The following ZFTA variants were observed in gnomAD, a reference collection of about 807,000 sequenced individuals.
ZFTA encodes zinc finger translocation associated.
In ZFTA, 35 loss-of-function variants were observed where a neutral mutation model predicts 41.8. The observed-to-expected ratio is 0.84, with a 90% CI of 0.64 to 1.11. ZFTA has a LOEUF of 1.11. ZFTA is among the 50% of genes most tolerant of loss of function. The pLI is 0.00. For missense variants in ZFTA, 964 were observed against 989.8 expected, an observed-to-expected ratio of 0.97 and a Z score of 0.35; for synonymous variants, 514 against 436.4, an observed-to-expected ratio of 1.18 and a Z score of -2.22.
Position 63,768,695 on chromosome 11 carries a change from G to A in ZFTA, c.-73C>T, listed in dbSNP as rs911077459. 1 of 715,770 alleles carries A rather than the reference G, an allele frequency of 1.4e-6. No individual in the cohort carries two copies. The allele number at this position is 715,770 out of a possible 1,614,324, so 44.3% of individuals were successfully genotyped here. On this transcript the variant is annotated 5_prime_UTR_variant, in exon 1 of 5. Coordinates refer to ENST00000433688, the MANE Select transcript of ZFTA (RefSeq NM_001144936.2). ...CGGGGCCGGCGGCAGCCCGCGCGGAGCGCTCGCTGCGCGGGGCCCCGGGGC... is the reference window on the plus strand; with the variant it reads ...CGGGGCCGGCGGCAGCCCGCGCGGAACGCTCGCTGCGCGGGGCCCCGGGGC...
At position 63,763,537 on chromosome 11, in the gene ZFTA, G is replaced by A. The variant is rs551321880; in HGVS notation, c.1918C>T (p.Leu640=). The change falls in exon 5 of 5, where the codon CTG becomes TTG. Residue 640 remains leucine, a synonymous_variant. Transcript: ENST00000433688. ...AGCGCCGCCTCCTCGTAGGCCTCCA[G>A]GATAGTCTGGCGCTCCTCAGGCGTG... The part of the protein sequence containing the change: ...DFTPEERQTI[L]EAYEEAALRC... 3 of 1,546,740 alleles carry A rather than the reference G, an allele frequency of 1.9e-6. No individual in the cohort carries two copies. Among genetic ancestry groups the A allele is most frequent in the Admixed American group, 3.9e-5 (2 of 50,812 alleles).
chr11:63,767,056 A>G (rs747369729), intron 1 of ZFTA, among the ~76,000 whole-genome samples: 6 of 152,244 alleles, frequency 3.9e-5, no homozygotes, highest in Non-Finnish European at 4.4e-5. Context: ...ACTGAAGCCC[A>G]TTAAGTCTTT....
chr11:63,765,055 C>T lies in ZFTA; in HGVS notation c.837G>A (p.Arg279=). Residue 279 remains arginine (R), a synonymous_variant, in exon 3 of 5, where the codon CGG becomes CGA. Coordinates refer to ENST00000433688, the MANE Select transcript of ZFTA (RefSeq NM_001144936.2). This position sits in a 1 kb window ranked among gnomAD's most constrained non-coding sequence, Gnocchi z 4.0. ...AGGCCATGCACACCAGCCGGTTCCC[C>T]CGCGGGTCATAGTCCATGAGACACT... ...RAECLMDYDP[R]GNRLVCMACG... The T allele has an allele frequency of 1.9e-6, 3 of 1,548,936 alleles. No individual in the cohort carries two copies. Among genetic ancestry groups the T allele is most frequent in the Non-Finnish European group, 2.6e-6 (3 of 1,146,438 alleles).
chr11:63,763,742 CG>C lies in ZFTA; in HGVS notation c.1712del (p.Pro571ArgfsTer20). On this transcript the variant is annotated frameshift_variant, in exon 5 of 5. Coordinates refer to ENST00000433688, the MANE Select transcript of ZFTA (RefSeq NM_001144936.2). LOFTEE classifies it low-confidence loss of function (END_TRUNC). ...PPPPPPPPPP[P>X]PRSREQRRNY... ...TCCGCCGCTGCTCCCGGCTGCGGGG[CG>C]GGGGCGGAGGCGGGGGAGGAGGCGG... The C allele has an allele frequency of 6.7e-7, 1 of 1,494,226 alleles. No homozygotes were observed. Among genetic ancestry groups the C allele is most frequent in the Non-Finnish European group, 8.9e-7 (1 of 1,119,312 alleles). 92.6% of individuals were successfully genotyped at this position (1,494,226 alleles called of 1,614,324 possible).
intron 3 of ZFTA, 23 bp from the exon 4 acceptor site, chr11:63,764,621 G>A (rs2014714915): frequency 7.9e-7 from 1 of 1,262,726 alleles, no homozygotes; most frequent in African/African-American, 1.5e-5. Context: ...GGGTGAGGGA[G>A]AGGGGCTCAG....
In ZFTA at chr11:63,768,557, C is replaced by A; in HGVS notation, c.66G>T (p.Val22=). 1 of 1,103,724 alleles carries A rather than the reference C, an allele frequency of 9.1e-7. No individual in the cohort carries two copies. The allele number at this position is 1,103,724 out of a possible 1,614,324, so 68.4% of individuals were successfully genotyped here. Reference sequence around the variant, plus strand: ...GCAGCCGTCGGCCCCGTGCCGAGGCCACTGCTGGCCCGGGGCCGCCCCTGC... The same window carrying A: ...GCAGCCGTCGGCCCCGTGCCGAGGCAACTGCTGGCCCGGGGCCGCCCCTGC... ...SGGRGGPGPA[V]ASARGRRLPP... Residue 22 remains valine (V), a synonymous_variant, in exon 1 of 5, where the codon GTG becomes GTT. Transcript: ENST00000433688.
In ZFTA at chr11:63,765,355, C is replaced by A; in HGVS notation, c.638-101G>T. 7.7e-7 allele frequency: 1 copy of A among 1,299,282 alleles called. No individual in the cohort carries two copies. The highest frequency in any genetic ancestry group is 1.0e-6 in the Non-Finnish European group (1 of 992,350). The allele number at this position is 1,299,282 out of a possible 1,614,324, so 80.5% of individuals were successfully genotyped here. ...GCCTCTCACTCACTTGGGCCCCAGG[C>A]CTAACCTTTGCCCTTCTCTTCCTCT... On this transcript the variant is annotated intron_variant, in intron 2 of 4. Coordinates refer to ENST00000433688, the MANE Select transcript of ZFTA (RefSeq NM_001144936.2). The surrounding 1 kb of genome is among the most constrained non-coding windows in gnomAD (Gnocchi z 4.0).
chr11:63,768,695 G>C lies in ZFTA; in HGVS notation c.-73C>G, dbSNP rs911077459. 15 of 715,770 alleles carry C rather than the reference G, an allele frequency of 2.1e-5. No homozygotes were observed. The highest frequency in any genetic ancestry group is 2.6e-5 in the Non-Finnish European group (15 of 587,866). 44.3% of individuals were successfully genotyped at this position (715,770 alleles called of 1,614,324 possible). On this transcript the variant is annotated 5_prime_UTR_variant, in exon 1 of 5. Transcript: ENST00000433688. ...CGGGGCCGGCGGCAGCCCGCGCGGA[G>C]CGCTCGCTGCGCGGGGCCCCGGGGC...
At chr11:63,766,332 T>G in intron 1 of ZFTA, 28 bp from the exon 2 acceptor site, 2 of 1,410,140 alleles carry the variant, frequency 1.4e-6, no homozygotes, top group South Asian at 3.1e-5. Context: ...GAGACAGTTT[T>G]TCAATCTCTG....
rs2014667091 is a variant in ZFTA, at chr11:63,762,789, G to C, written c.*629C>G. ...CTGGTCCAGCCCGGGCCCCGGGCGC[G>C]TAGCCCCGCCCTCGGTCCAACGCGC... On this transcript the variant is annotated 3_prime_UTR_variant, in exon 5 of 5. Coordinates refer to ENST00000433688, the MANE Select transcript of ZFTA (RefSeq NM_001144936.2). 6.6e-6 allele frequency: 1 copy of C among 152,158 alleles called. No homozygotes were observed. The highest frequency in any genetic ancestry group is 1.5e-5 in the Non-Finnish European group (1 of 68,020). 9.4% of individuals were successfully genotyped at this position (152,158 alleles called of 1,614,324 possible).
chr11:63,763,980 T>G, intron 4 of ZFTA, 58 bp downstream of exon 4: 1 of 1,309,248 alleles, frequency 7.6e-7, no homozygotes, highest in Non-Finnish European at 9.9e-7. Flanking sequence ...CTCCAGTCCC[T>G]TCTGCCCCAG....
chr11:63,765,946 G>A lies in ZFTA; in HGVS notation c.498C>T (p.Ser166=). 1.9e-6 allele frequency: 3 copies of A among 1,551,750 alleles called. No homozygotes were observed. Among genetic ancestry groups the A allele is most frequent in the Non-Finnish European group, 2.6e-6 (3 of 1,147,024 alleles). ...SPREKEVISN[S]WDAHLGLGAC... ...CCCCCAGCCCCAGGTGTGCATCCCA[G>A]CTGTTGCTGATGACTTCCTTCTCCC... Residue 166 remains serine (S), a synonymous_variant, in exon 2 of 5, where the codon AGC becomes AGT. Transcript: ENST00000433688. This position sits in a 1 kb window ranked among gnomAD's most constrained non-coding sequence, Gnocchi z 4.0.
rs2014655105 is a variant in ZFTA at position 63,762,258 on chromosome 11, C to CTTA, written c.*1159_*1160insTAA. 6.6e-6 allele frequency: 1 copy of CTTA among 152,150 alleles called. No homozygotes were observed. The highest frequency in any genetic ancestry group is 2.4e-5 in the African/African-American group (1 of 41,398). 9.4% of individuals were successfully genotyped at this position (152,150 alleles called of 1,614,324 possible). A position where few individuals can be genotyped will look rare whatever the true frequency, so the allele number is the denominator to read the frequency against. On this transcript the variant is annotated 3_prime_UTR_variant, in exon 5 of 5. Coordinates refer to ENST00000433688, the MANE Select transcript of ZFTA (RefSeq NM_001144936.2). The stretch of plus-strand genomic sequence containing the variant: ...ATAAGACATTTGCACATAAGGGTGA[C>CTTA]TGGGTCAGCTCTGTCCCCGCCCCTC...
chr11:63,763,745 G>C lies in ZFTA; in HGVS notation c.1710C>G (p.Pro570=), dbSNP rs986107543. The C allele has an allele frequency of 1.2e-5, 18 of 1,487,122 alleles. No homozygotes were observed. Among genetic ancestry groups the C allele is most frequent in the Non-Finnish European group, 1.6e-5 (18 of 1,117,754 alleles). The allele number at this position is 1,487,122 out of a possible 1,614,324, so 92.1% of individuals were successfully genotyped here. Reference sequence around the variant, plus strand: ...GCCGCTGCTCCCGGCTGCGGGGCGGGGGCGGAGGCGGGGGAGGAGGCGGCG... The same window carrying C: ...GCCGCTGCTCCCGGCTGCGGGGCGGCGGCGGAGGCGGGGGAGGAGGCGGCG... The part of the protein sequence containing the change: ...LPPPPPPPPP[P]PPRSREQRRN... The change falls in exon 5 of 5, where the codon CCC becomes CCG. Residue 570 remains proline (P), a synonymous_variant. Coordinates refer to ENST00000433688, the MANE Select transcript of ZFTA (RefSeq NM_001144936.2).
rs1040397667 is a variant in ZFTA, at chr11:63,759,929, C to T, written c.*3489G>A. On this transcript the variant is annotated 3_prime_UTR_variant, in exon 5 of 5. Coordinates refer to ENST00000433688, the MANE Select transcript of ZFTA (RefSeq NM_001144936.2). ...CATTCTGCTAACTTTATTCTTTATA[C>T]ACAGTTTGGGTAAAGTAAGAACCAA... 5 of 151,432 alleles carry T rather than the reference C, an allele frequency of 3.3e-5. No individual in the cohort carries two copies. Among genetic ancestry groups the T allele is most frequent in the Non-Finnish European group, 7.4e-5 (5 of 67,892 alleles). The allele number at this position is 151,432 out of a possible 1,614,324, so 9.4% of individuals were successfully genotyped here.
Position 63,765,289 on chromosome 11 carries a change from G to T in ZFTA, c.638-35C>A. ...TTGGAGGGAAGGAACTGAGACGCTG[G>T]CCCCACGGGAGCATACCCACTACAG... is the stretch of plus-strand genomic sequence containing the variant. On this transcript the variant is annotated intron_variant, in intron 2 of 4. Coordinates refer to ENST00000433688, the MANE Select transcript of ZFTA (RefSeq NM_001144936.2). The surrounding 1 kb of genome is among the most constrained non-coding windows in gnomAD (Gnocchi z 4.0). The T allele has an allele frequency of 1.4e-6, 2 of 1,427,522 alleles. No homozygotes were observed. Among genetic ancestry groups the T allele is most frequent in the Non-Finnish European group, 1.8e-6 (2 of 1,098,306 alleles). 88.4% of individuals were successfully genotyped at this position (1,427,522 alleles called of 1,614,324 possible). A position where few individuals can be genotyped will look rare whatever the true frequency, so the allele number is the denominator to read the frequency against.
chr11:63,766,951 C>G (rs1327427864), intron 1 of ZFTA, among the ~76,000 whole-genome samples: 1 of 152,230 alleles, frequency 6.6e-6, no homozygotes, highest in Non-Finnish European at 1.5e-5. Flanking sequence ...GAAACTTCTC[C>G]AGATTCTGGA....
At position 63,763,738 on chromosome 11, in the gene ZFTA, G is replaced by C; in HGVS notation, c.1717C>G (p.Arg573Gly). ...TAGTTCCGCCGCTGCTCCCGGCTGC[G>C]GGGCGGGGGCGGAGGCGGGGGAGGA... ...PPPPPPPPPP[R>G]SREQRRNYQP... The change falls in exon 5 of 5, where the codon CGC (arginine) becomes GGC (glycine). Residue 573 changes from arginine to glycine, a missense_variant. By Grantham distance (125) the Arg-to-Gly change is moderately radical. This residue lies in a region of ZFTA where 584 missense variants were observed against 523.1 expected (regional missense o/e 1.12). Transcript: ENST00000433688. 1 of 1,495,020 alleles carries C rather than the reference G, an allele frequency of 6.7e-7. No individual in the cohort carries two copies. Among genetic ancestry groups the C allele is most frequent in the Non-Finnish European group, 8.9e-7 (1 of 1,119,496 alleles). 92.6% of individuals were successfully genotyped at this position (1,495,020 alleles called of 1,614,324 possible). A position where few individuals can be genotyped will look rare whatever the true frequency, so the allele number is the denominator to read the frequency against.
chr11:63,765,387 A>C lies in ZFTA; in HGVS notation c.638-133T>G. The C allele has an allele frequency of 9.5e-7, 1 of 1,057,368 alleles. No individual in the cohort carries two copies. Among genetic ancestry groups the C allele is most frequent in the Non-Finnish European group, 1.3e-6 (1 of 776,888 alleles). 65.5% of individuals were successfully genotyped at this position (1,057,368 alleles called of 1,614,324 possible). A position where few individuals can be genotyped will look rare whatever the true frequency, so the allele number is the denominator to read the frequency against. ...TTTGCCCTTCTCTTCCTCTCTCCTGAAATCCTAACTCCCTAAACCCTCCTC... is the reference window on the plus strand; with the variant it reads ...TTTGCCCTTCTCTTCCTCTCTCCTGCAATCCTAACTCCCTAAACCCTCCTC... On this transcript the variant is annotated intron_variant, in intron 2 of 4. Transcript: ENST00000433688. This position sits in a 1 kb window ranked among gnomAD's most constrained non-coding sequence, Gnocchi z 4.0.
Sources: gnomAD v4.1 joint callset for allele counts (sites outside exome capture counted in the v4.1 genomes callset) on GRCh38, gnomAD v4.1.1 for gene constraint, gnomAD v4.1.1 regional missense constraint, Gnocchi (gnomAD v3.1) non-coding constraint, MANE v1.5 for transcripts, NCBI Gene and HGNC (gene_info 2026-07-23, HGNC 2026-07-21) for gene names.